RAB22A: variants seen among roughly 807,000 people sequenced by gnomAD.
The protein encoded by RAB22A is RAB22A, member RAS oncogene family, also known as ras-related protein Rab-22A.
RAB22A carries 13 observed loss-of-function variants against 30.2 expected under a neutral mutation model. That is an observed-to-expected ratio of 0.43 (90% CI 0.28 to 0.68). The LOEUF is 0.68. Among genes scored for constraint, RAB22A ranks in the 30% least tolerant of loss-of-function variants. RAB22A has a pLI of 0.18. For missense variants in RAB22A, 177 were observed against 246.8 expected (o/e 0.72, Z 1.89); for synonymous variants, 89 against 87.2 (o/e 1.02, Z -0.11).
chr20:58,359,495 C>CTTTTTTTTTTTTT, intron 6 of RAB22A, 111 bp from the exon 7 acceptor site: 1 of 321,410 alleles, frequency 3.1e-6, no homozygotes, highest in Non-Finnish European at 5.3e-6. Flanking sequence ...GTTTATTAAA[C>CTTTTTTTTTTTTT]TTTTTTTTTT....
At position 58,359,689 on chromosome 20, in the gene RAB22A, C is replaced by T. The variant is rs1304211862; in HGVS notation, c.571C>T (p.Arg191Trp). 8 of 1,610,104 alleles carry T rather than the reference C, an allele frequency of 5.0e-6. No individual in the cohort carries two copies. The highest frequency in any genetic ancestry group is 2.2e-5 in the East Asian group (1 of 44,814). Residue 191 changes from arginine to tryptophan, a missense_variant, in exon 7 of 7, where the codon CGG becomes TGG. Arg to Trp is a moderately radical substitution (Grantham distance 101). Transcript: ENST00000244040. ...CCGAAGACAGCCTTCAGAGCCAAAG[C>T]GGAGCTGCTGCTGACCGAACCTCAG... ...KLRRQPSEPK[R>W]SCC
Position 58,360,745 on chromosome 20 carries a change from G to T in RAB22A, c.*1042G>T, listed in dbSNP as rs1182193602. On this transcript the variant is annotated 3_prime_UTR_variant, in exon 7 of 7. Coordinates refer to ENST00000244040, the MANE Select transcript of RAB22A (RefSeq NM_020673.3). ...CTTAACGGGAGACTCAAGCACATTG[G>T]TATTGTATAAAGGTATAGAGCACTT... 2 of 152,530 alleles carry T rather than the reference G, an allele frequency of 1.3e-5. No individual in the cohort carries two copies. Among genetic ancestry groups the T allele is most frequent in the Non-Finnish European group, 2.9e-5 (2 of 68,020 alleles). The allele number at this position is 152,530 out of a possible 1,614,324, so 9.4% of individuals were successfully genotyped here. A position where few individuals can be genotyped will look rare whatever the true frequency, so the allele number is the denominator to read the frequency against.
chr20:58,349,898 A>G (rs1295007747), intron 3 of RAB22A, among the ~76,000 whole-genome samples: 1 of 152,188 alleles, frequency 6.6e-6, no homozygotes, highest in African/African-American at 2.4e-5. Context: ...AGCAAACCCT[A>G]AAGTGACCCT....
chr20:58,315,433 C>A (rs1299485650), intron 2 of RAB22A, among the ~76,000 whole-genome samples: 1 of 152,160 alleles, frequency 6.6e-6, no homozygotes, highest in Non-Finnish European at 1.5e-5. Flanking sequence ...TAAGGGCTCG[C>A]CTGTGTCGTA....
At chr20:58,310,998 C>A in intron 1 of RAB22A, 45 bp from the exon 2 acceptor site, 2 of 1,507,514 alleles carry the variant, frequency 1.3e-6, no homozygotes, top group Non-Finnish European at 1.8e-6. Flanking sequence ...TGGTGTCTGC[C>A]AAAAGGTAAA....
At chr20:58,348,655 C>T (rs539834372) in intron 3 of RAB22A, among the ~76,000 whole-genome samples, 1 of 152,246 alleles carries the variant, frequency 6.6e-6, no homozygotes, top group East Asian at 1.9e-4. Context: ...GTAAATAAAG[C>T]TTTCATGGAA....
chr20:58,348,866 C>T (rs1986996110), intron 3 of RAB22A, among the ~76,000 whole-genome samples: 1 of 152,158 alleles, frequency 6.6e-6, no homozygotes, highest in Admixed American at 6.5e-5. Context: ...ACATTCAAAG[C>T]TGTCCTGGGC....
chr20:58,314,856 GAAA>G (rs1279962357), intron 2 of RAB22A, among the ~76,000 whole-genome samples: 1 of 151,828 alleles, frequency 6.6e-6, no homozygotes, highest in African/African-American at 2.4e-5. Context: ...AAAAAGAAAA[GAAA>G]AAAAAGTTTT....
At chr20:58,321,746 G>A (rs1986464820) in intron 2 of RAB22A, among the ~76,000 whole-genome samples, 2 of 103,086 alleles carry the variant, frequency 1.9e-5, no homozygotes, top group South Asian at 8.1e-4. Flanking sequence ...TAACATACAT[G>A]TCATGTATTA....
At chr20:58,318,257 T>G (rs1186153833) in intron 2 of RAB22A, among the ~76,000 whole-genome samples, 1 of 152,244 alleles carries the variant, frequency 6.6e-6, no homozygotes, top group Non-Finnish European at 1.5e-5. Context: ...TGAAATAGTG[T>G]TACGAGGCTA....
intron 3 of RAB22A, among the ~76,000 whole-genome samples, chr20:58,344,943 A>G (rs1986921124): frequency 6.6e-6 from 1 of 152,040 alleles, no homozygotes; most frequent in Non-Finnish European, 1.5e-5. Context: ...TCCACTCCCC[A>G]TTCCTTTTCC....
intron 3 of RAB22A, among the ~76,000 whole-genome samples, chr20:58,347,054 G>A (rs1986962156): frequency 6.6e-6 from 1 of 152,176 alleles, no homozygotes; most frequent in Non-Finnish European, 1.5e-5. Flanking sequence ...CTTTTACCAT[G>A]TGAGTAGTGC....
chr20:58,328,273 C>G (rs141054872), intron 2 of RAB22A, among the ~76,000 whole-genome samples: 2,290 of 152,248 alleles, frequency 0.015, 61 homozygotes, highest in African/African-American at 0.052. Flanking sequence ...TCACAACCCC[C>G]CAGGCTCAAG....
intron 2 of RAB22A, among the ~76,000 whole-genome samples, chr20:58,336,704 T>A (rs1456628098): frequency 1.3e-5 from 2 of 152,224 alleles, no homozygotes; most frequent in Middle Eastern, 3.2e-3. Context: ...AAAATATTTT[T>A]AGAATATCTC....
chr20:58,355,764 C>T (rs1163515463), intron 6 of RAB22A, among the ~76,000 whole-genome samples: 1 of 152,110 alleles, frequency 6.6e-6, no homozygotes, highest in Non-Finnish European at 1.5e-5. Context: ...TTTGAGGCTG[C>T]AGTAAGCCAT....
At chr20:58,313,105 A>G (rs12625313) in intron 2 of RAB22A, among the ~76,000 whole-genome samples, 8,268 of 152,096 alleles carry the variant, frequency 0.054, 267 homozygotes, top group Middle Eastern at 0.1. Flanking sequence ...TGCTCTCTCA[A>G]ATAAGAAGAG....
intron 6 of RAB22A, among the ~76,000 whole-genome samples, chr20:58,358,912 A>T (rs939451032): frequency 6.6e-6 from 1 of 150,790 alleles, no homozygotes; most frequent in Middle Eastern, 3.5e-3. Flanking sequence ...AAAAAAAAAA[A>T]GGTGACGGCT....
Position 58,362,573 on chromosome 20 carries a change from C to T in RAB22A, c.*2870C>T, listed in dbSNP as rs1022237043. On this transcript the variant is annotated 3_prime_UTR_variant, in exon 7 of 7. Transcript: ENST00000244040. ...ATTGAAATAAGCTCTTTGCAGGCGT[C>T]CAATCCTAGAAACCAATGGTCTCCA... The T allele has an allele frequency of 1.3e-5, 2 of 152,170 alleles. No homozygotes were observed. The highest frequency in any genetic ancestry group is 4.8e-5 in the African/African-American group (2 of 41,440). 9.4% of individuals were successfully genotyped at this position (152,170 alleles called of 1,614,324 possible). A position where few individuals can be genotyped will look rare whatever the true frequency, so the allele number is the denominator to read the frequency against.
In RAB22A at chr20:58,311,201, C is replaced by T. The variant is rs545693765; in HGVS notation, c.116+79C>T. 56 of 1,301,740 alleles carry T rather than the reference C, an allele frequency of 4.3e-5. No individual in the cohort carries two copies. The South Asian group carries it at 4.8e-4, about 11-fold the overall frequency. 80.6% of individuals were successfully genotyped at this position (1,301,740 alleles called of 1,614,324 possible). ...ATACATAGTGTGTTACAGGTGTAGG[C>T]CCTGCGCTTTGTAGTCATTGAATTC... On this transcript the variant is annotated intron_variant, in intron 2 of 6. Coordinates refer to ENST00000244040, the MANE Select transcript of RAB22A (RefSeq NM_020673.3).
Sources: allele counts gnomAD v4.1 joint callset (sites outside exome capture counted in the v4.1 genomes callset), GRCh38; gene constraint gnomAD v4.1.1; transcripts MANE v1.5; gene names NCBI Gene and HGNC (gene_info 2026-07-23, HGNC 2026-07-21).